Variants in ARHGAP21 observed in about 807,000 individuals in gnomAD.
ARHGAP21 encodes the protein Rho GTPase activating protein 21, also known as rho GTPase-activating protein 21.
Under a neutral mutation model 164.6 loss-of-function variants are expected in ARHGAP21, and 38 were observed. The observed-to-expected ratio is 0.23, with a 90% confidence interval of 0.18 to 0.30. The LOEUF (loss-of-function observed/expected upper bound fraction) is 0.30. Among genes scored for constraint, ARHGAP21 ranks in the 10% least tolerant of loss-of-function variants. The pLI, the probability that ARHGAP21 is intolerant of heterozygous loss-of-function variation, is 1.00. For synonymous variants in ARHGAP21, 766 were observed against 857.9 expected (o/e 0.89, Z 1.87); for missense variants, 1,822 against 2,370.7 (o/e 0.77, Z 4.81).
chr10:24,611,002 G>C (rs939082262), intron 9 of ARHGAP21, among the ~76,000 whole-genome samples: 1 of 152,172 alleles, frequency 6.6e-6, no homozygotes, highest in Admixed American at 6.5e-5. Context: ...CTCATAAACT[G>C]ACAAGTATTT....
chr10:24,692,133 T>C (rs1435900122), intron 2 of ARHGAP21, among the ~76,000 whole-genome samples: 1 of 152,220 alleles, frequency 6.6e-6, no homozygotes, highest in Non-Finnish European at 1.5e-5. Flanking sequence ...TTGTTATTAC[T>C]GAAGTCTAGT....
At chr10:24,629,193 T>C (rs1255701732) in intron 7 of ARHGAP21, 1 of 149,826 alleles carries the variant, frequency 6.7e-6, no homozygotes, top group African/African-American at 2.5e-5. Context: ...AGGGTAGAGA[T>C]AGGGTTTCAC....
intron 11 of ARHGAP21, among the ~76,000 whole-genome samples, chr10:24,606,327 A>G (rs1271880658): frequency 2.0e-5 from 3 of 152,180 alleles, no homozygotes; most frequent in Non-Finnish European, 4.4e-5. Context: ...TCTTTATATA[A>G]AAAGGATGCA....
At position 24,585,459 on chromosome 10, in the gene ARHGAP21, G is replaced by T; in HGVS notation, c.4830C>A (p.Ser1610=). 1 of 1,614,042 alleles carries T rather than the reference G, an allele frequency of 6.2e-7. No individual in the cohort carries two copies. Among genetic ancestry groups the T allele is most frequent in the South Asian group, 1.1e-5 (1 of 91,076 alleles). The change falls in exon 26 of 26, where the codon TCC becomes TCA. Residue 1610 remains serine, a synonymous_variant. Coordinates refer to ENST00000396432, the MANE Select transcript of ARHGAP21 (RefSeq NM_020824.4). ...DSSRLSPEVQ[S]VAESKGDEAD... Reference sequence around the variant, plus strand: ...CCTCGTCCCCCTTGCTCTCTGCCACGGATTGCACCTCAGGGCTCAGTCGAC... The same window carrying T: ...CCTCGTCCCCCTTGCTCTCTGCCACTGATTGCACCTCAGGGCTCAGTCGAC...
Position 24,600,587 on chromosome 10 carries a change from C to A in ARHGAP21, c.3132+59G>T. 4 of 1,550,484 alleles carry A rather than the reference C, an allele frequency of 2.6e-6. No individual in the cohort carries two copies. The Admixed American group carries it at 7.6e-5, about 29-fold the overall frequency. On this transcript the variant is annotated intron_variant, in intron 14 of 25. Transcript: ENST00000396432. Reference sequence around the variant, plus strand: ...AAATGATATATCATATTCCTTAGATCTTTGTAAGAAAGTGTTGTGAAAGGG... The same window carrying A: ...AAATGATATATCATATTCCTTAGATATTTGTAAGAAAGTGTTGTGAAAGGG...
chr10:24,694,998 C>T (rs1027054777), intron 2 of ARHGAP21, among the ~76,000 whole-genome samples: 1 of 116,480 alleles, frequency 8.6e-6, no homozygotes, highest in Non-Finnish European at 1.7e-5. Flanking sequence ...TTGCAGTGAG[C>T]TGAGATGGTG....
rs71397963 is a variant in ARHGAP21 at position 24,656,350 on chromosome 10, G to GC, written c.268+10634dup. Among the ~76,000 whole-genome samples the GC allele has an allele frequency of 1.6e-3, 152 of 97,006 alleles. 2 individuals are homozygous for GC. Among genetic ancestry groups the GC allele is most frequent in the African/African-American group, 5.9e-3 (132 of 22,238 alleles). The allele number at this position is 97,006 out of a possible 152,430, so 63.6% of individuals were successfully genotyped here. ...GTCCGGGAGGGAGATGGGGGGGTCAGCCCCCCCACCCGGCCAGCCGCCCCG... is the reference window on the plus strand; with the variant it reads ...GTCCGGGAGGGAGATGGGGGGGTCAGCCCCCCCCACCCGGCCAGCCGCCCCG... On this transcript the variant is annotated intron_variant, in intron 4 of 25. Transcript: ENST00000396432.
Position 24,600,778 on chromosome 10 carries a change from G to A in ARHGAP21, c.3000C>T (p.Tyr1000=), listed in dbSNP as rs1399230526. The stretch of plus-strand genomic sequence containing the variant: ...ACACATTTTTCCTCTTGGTCTCACT[G>A]TAAGAGATGTCTATCAAGCAAGCAT... ...SVNACLIDIS[Y]SETKRKNVFR... The change falls in exon 14 of 26, where the codon TAC becomes TAT. Residue 1000 remains tyrosine (Y), a synonymous_variant. Transcript: ENST00000396432. 1.9e-6 allele frequency: 3 copies of A among 1,614,060 alleles called. No homozygotes were observed. The highest frequency in any genetic ancestry group is 2.5e-6 in the Non-Finnish European group (3 of 1,179,934).
intron 4 of ARHGAP21, among the ~76,000 whole-genome samples, chr10:24,659,216 TCAGA>T (rs1462752720): frequency 5.3e-5 from 8 of 152,262 alleles, no homozygotes; most frequent in African/African-American, 1.7e-4. Context: ...AAACAAGAAT[TCAGA>T]CAAACACCTG....
rs767734882 is a variant in ARHGAP21 at position 24,585,517 on chromosome 10, G to A, written c.4772C>T (p.Ser1591Leu). ...CAGGCTAGTCAAGTATGTAGCAGACGATGTGGTGGAATAATCTGAGGTGAT... is the reference window on the plus strand; with the variant it reads ...CAGGCTAGTCAAGTATGTAGCAGACAATGTGGTGGAATAATCTGAGGTGAT... ...STITSDYSTT[S>L]SATYLTSLDS... Residue 1591 changes from serine to leucine, a missense_variant, in exon 26 of 26, where the codon TCG becomes TTG. Ser to Leu is a moderately radical substitution (Grantham distance 145). Coordinates refer to ENST00000396432, the MANE Select transcript of ARHGAP21 (RefSeq NM_020824.4). 2 of 1,614,190 alleles carry A rather than the reference G, an allele frequency of 1.2e-6. No homozygotes were observed. Among genetic ancestry groups the A allele is most frequent in the Non-Finnish European group, 1.7e-6 (2 of 1,180,050 alleles).
chr10:24,594,895 A>G, intron 21 of ARHGAP21, 55 bp downstream of exon 21: 1 of 1,399,742 alleles, frequency 7.1e-7, no homozygotes, highest in Non-Finnish European at 1.0e-6. Context: ...AATGAAGCAT[A>G]TCTTTTAAAC....
intron 2 of ARHGAP21, among the ~76,000 whole-genome samples, chr10:24,691,005 A>G (rs1488533423): frequency 6.6e-6 from 1 of 152,104 alleles, no homozygotes; most frequent in African/African-American, 2.4e-5. Context: ...CACAGCTCTC[A>G]TATAAAATTA....
chr10:24,600,566 G>T, intron 14 of ARHGAP21, 80 bp downstream of exon 14: 3 of 1,447,272 alleles, frequency 2.1e-6, no homozygotes, highest in Non-Finnish European at 2.8e-6. Flanking sequence ...TTATAAAAAT[G>T]ATATATCATA....
chr10:24,585,651 A>G lies in ARHGAP21; in HGVS notation c.4638T>C (p.Ser1546=), dbSNP rs1018504397. ...SSHLEETGSD[S]GTLLSTSSQA... ...GGGAAGACGTGCTGAGCAAAGTGCCAGAGTCAGAGCCTGTCTCTTCAAGGT... is the reference window on the plus strand; with the variant it reads ...GGGAAGACGTGCTGAGCAAAGTGCCGGAGTCAGAGCCTGTCTCTTCAAGGT... The change falls in exon 26 of 26, where the codon TCT becomes TCC. Residue 1546 remains serine, a synonymous_variant. Transcript: ENST00000396432. The G allele has an allele frequency of 1.1e-5, 18 of 1,614,054 alleles. No individual in the cohort carries two copies. The highest frequency in any genetic ancestry group is 3.3e-5 in the South Asian group (3 of 91,086).
chr10:24,620,545 A>G lies in ARHGAP21; in HGVS notation c.1350T>C (p.Ser450=). Residue 450 remains serine, a synonymous_variant, in exon 9 of 26, where the codon TCT becomes TCC. Coordinates refer to ENST00000396432, the MANE Select transcript of ARHGAP21 (RefSeq NM_020824.4). ...RSTSHDRVPQ[S]VQIRQRSVSQ... is the part of the protein sequence containing the mutation. Reference sequence around the variant, plus strand: ...ACACACTGCGTTGCCGTATCTGGACAGACTGGGGCACTCGATCATGAGAGG... The same window carrying G: ...ACACACTGCGTTGCCGTATCTGGACGGACTGGGGCACTCGATCATGAGAGG... 6.2e-7 allele frequency: 1 copy of G among 1,613,882 alleles called. No homozygotes were observed. Among genetic ancestry groups the G allele is most frequent in the South Asian group, 1.1e-5 (1 of 91,038 alleles).
At position 24,620,740 on chromosome 10, in the gene ARHGAP21, G is replaced by A; in HGVS notation, c.1155C>T (p.Asp385=). The change falls in exon 9 of 26, where the codon GAC becomes GAT. Residue 385 remains aspartate (D), a synonymous_variant. Coordinates refer to ENST00000396432, the MANE Select transcript of ARHGAP21 (RefSeq NM_020824.4). ...CTTTGTAAGTTTTATAGTTTTTCCA[G>A]TCTATGTGCTGATGGGAATTTGGCG... ...HYSPNSHQHI[D]WKNYKTYKEY... 1 of 1,614,148 alleles carries A rather than the reference G, an allele frequency of 6.2e-7. No individual in the cohort carries two copies. Among genetic ancestry groups the A allele is most frequent in the Non-Finnish European group, 8.5e-7 (1 of 1,180,030 alleles).
At position 24,722,254 on chromosome 10, in the gene ARHGAP21, T is replaced by C. The variant is rs1846005371; in HGVS notation, c.-355A>G. 1 of 333,838 alleles carries C rather than the reference T, an allele frequency of 3.0e-6. No homozygotes were observed. The allele number at this position is 333,838 out of a possible 1,614,324, so 20.7% of individuals were successfully genotyped here. ...GAAAAATCCGAATGGGTCGTGAAGG[T>C]TCGAGTGTCAGCTCCTAGAGAGATC... On this transcript the variant is annotated 5_prime_UTR_variant, in exon 2 of 26. Coordinates refer to ENST00000396432, the MANE Select transcript of ARHGAP21 (RefSeq NM_020824.4).
At chr10:24,594,763 A>G (rs752959766) in intron 21 of ARHGAP21, among the ~76,000 whole-genome samples, 187 bp downstream of exon 21, 8 of 152,166 alleles carry the variant, frequency 5.3e-5, no homozygotes, top group Non-Finnish European at 1.2e-4. Context: ...CTTTTAAAAT[A>G]TCCTTTTAAA....
intron 13 of ARHGAP21, among the ~76,000 whole-genome samples, chr10:24,601,219 T>A (rs1044610768): frequency 6.6e-6 from 1 of 152,138 alleles, no homozygotes; most frequent in African/African-American, 2.4e-5. Context: ...GCAAAACATA[T>A]CAAAAACAGT....
Sources: gnomAD v4.1 joint callset for allele counts (sites outside exome capture counted in the v4.1 genomes callset) on GRCh38, gnomAD v4.1.1 for gene constraint, MANE v1.5 for transcripts, NCBI Gene and HGNC (gene_info 2026-07-23, HGNC 2026-07-21) for gene names.